The following EFNA5 variants were observed in gnomAD, a reference collection of about 807,000 sequenced individuals.
EFNA5 encodes ephrin A5.
Under a neutral mutation model 22.9 loss-of-function variants are expected in EFNA5, and 5 were observed. The ratio of observed to expected loss-of-function variants is 0.22; its 90% CI spans 0.11 to 0.46. EFNA5 has a LOEUF of 0.46. Ranked by LOEUF, EFNA5 falls within the 20% of genes least tolerant of loss-of-function variation. EFNA5 has a pLI of 0.99. For synonymous variants in EFNA5, 113 were observed against 112.2 expected, an observed-to-expected ratio of 1.01 and a Z score of -0.04; for missense variants, 237 against 293.3, an observed-to-expected ratio of 0.81 and a Z score of 1.40.
chr5:107,608,793 C>T (rs2112518818), intron 1 of EFNA5, among the ~76,000 whole-genome samples: 1 of 152,318 alleles, frequency 6.6e-6, no homozygotes, highest in South Asian at 2.1e-4. Context: ...TTAATGATGG[C>T]CCCAAGCAGG....
chr5:107,581,117 C>T (rs1438837868), intron 1 of EFNA5, among the ~76,000 whole-genome samples: 1 of 152,168 alleles, frequency 6.6e-6, no homozygotes, highest in Non-Finnish European at 1.5e-5. Flanking sequence ...AACAACATTG[C>T]CAGCCAGGCT....
chr5:107,444,736 A>C (rs553607972), intron 1 of EFNA5, among the ~76,000 whole-genome samples: 106 of 152,298 alleles, frequency 7.0e-4, no homozygotes, highest in Middle Eastern at 6.8e-3. Flanking sequence ...CCATTTGTGT[A>C]AGTCAAACTT....
intron 1 of EFNA5, among the ~76,000 whole-genome samples, chr5:107,450,105 A>G (rs1749519337): frequency 6.6e-6 from 1 of 152,256 alleles, no homozygotes; most frequent in Admixed American, 6.5e-5. Flanking sequence ...ACGACGGCAG[A>G]AAGCCGTGAA....
chr5:107,421,640 C>T (rs543657350), intron 2 of EFNA5, among the ~76,000 whole-genome samples: 5 of 152,094 alleles, frequency 3.3e-5, no homozygotes, highest in African/African-American at 1.2e-4. Context: ...CCATCTGATT[C>T]GGGGTTCCTA....
chr5:107,517,872 G>C (rs1288778074), intron 1 of EFNA5, among the ~76,000 whole-genome samples: 2 of 152,158 alleles, frequency 1.3e-5, no homozygotes, highest in African/African-American at 4.8e-5. Flanking sequence ...AAGCGTTTTT[G>C]TCTACTCAAT....
intron 2 of EFNA5, among the ~76,000 whole-genome samples, chr5:107,389,631 A>G (rs946566290): frequency 6.6e-6 from 1 of 152,218 alleles, no homozygotes; most frequent in African/African-American, 2.4e-5. Flanking sequence ...GATTTAGTAC[A>G]GGTCTTTCAG....
In EFNA5 at chr5:107,378,644, G is replaced by A. The variant is rs1747343715; in HGVS notation, c.*2611C>T. ...AGAGAAGCTTACTGTCTACTGGTGT[G>A]GACACTCTTGCTATTTTCTTTATAC... is the stretch of plus-strand genomic sequence containing the variant. On this transcript the variant is annotated 3_prime_UTR_variant, in exon 5 of 5. Transcript: ENST00000333274. 1 of 152,090 alleles carries A rather than the reference G, an allele frequency of 6.6e-6. No homozygotes were observed. Among genetic ancestry groups the A allele is most frequent in the Non-Finnish European group, 1.5e-5 (1 of 68,020 alleles). 9.4% of individuals were successfully genotyped at this position (152,090 alleles called of 1,614,324 possible). A position where few individuals can be genotyped will look rare whatever the true frequency, so the allele number is the denominator to read the frequency against.
intron 1 of EFNA5, among the ~76,000 whole-genome samples, chr5:107,630,005 G>A (rs1380344123): frequency 6.6e-6 from 1 of 151,176 alleles, no homozygotes; most frequent in African/African-American, 2.4e-5. Context: ...GCAGTGAGCC[G>A]AGATGGCACC....
chr5:107,634,141 C>T (rs1348833105), intron 1 of EFNA5, among the ~76,000 whole-genome samples: 2 of 152,164 alleles, frequency 1.3e-5, no homozygotes, highest in African/African-American at 4.8e-5. Context: ...GGTCTAACCC[C>T]CTTTTAAATG....
intron 2 of EFNA5, among the ~76,000 whole-genome samples, chr5:107,417,268 C>T (rs1287920844): frequency 6.6e-6 from 1 of 152,134 alleles, no homozygotes; most frequent in Non-Finnish European, 1.5e-5. Context: ...CAATTCCCAA[C>T]AATAATAGAC....
intron 1 of EFNA5, among the ~76,000 whole-genome samples, chr5:107,486,061 T>C (rs1420761700): frequency 6.6e-6 from 1 of 152,126 alleles, no homozygotes; most frequent in African/African-American, 2.4e-5. Context: ...AGACGAGAAA[T>C]GAGTGTCTCG....
intron 1 of EFNA5, among the ~76,000 whole-genome samples, chr5:107,663,737 C>G (rs547654396): frequency 6.6e-6 from 1 of 152,188 alleles, no homozygotes; most frequent in South Asian, 2.1e-4. Flanking sequence ...CCTAAAGCAA[C>G]TGGAAGATCA....
chr5:107,509,492 T>G (rs959541694), intron 1 of EFNA5, among the ~76,000 whole-genome samples: 5 of 147,258 alleles, frequency 3.4e-5, no homozygotes, highest in Non-Finnish European at 6.0e-5. Flanking sequence ...CTAATTTTTT[T>G]TTTTTTTTTT....
intron 1 of EFNA5, among the ~76,000 whole-genome samples, chr5:107,607,672 C>T (rs1749752030): frequency 6.6e-6 from 1 of 152,106 alleles, no homozygotes; most frequent in South Asian, 2.1e-4. Context: ...TTCTTTTTCT[C>T]CTTCACCTCT....
intron 1 of EFNA5, among the ~76,000 whole-genome samples, chr5:107,497,622 C>T (rs1747021144): frequency 6.6e-6 from 1 of 152,116 alleles, no homozygotes; most frequent in African/African-American, 2.4e-5. Context: ...ATCTTAGCAA[C>T]TTCTTCAGTT....
intron 1 of EFNA5, among the ~76,000 whole-genome samples, chr5:107,438,609 C>T (rs888659132): frequency 6.6e-6 from 1 of 152,160 alleles, no homozygotes; most frequent in Non-Finnish European, 1.5e-5. Flanking sequence ...TACCTGACAT[C>T]CAGTCTCTGT....
intron 2 of EFNA5, among the ~76,000 whole-genome samples, chr5:107,399,038 CCTT>C (rs1748009235): frequency 6.6e-6 from 1 of 152,042 alleles, no homozygotes; most frequent in Non-Finnish European, 1.5e-5. Flanking sequence ...ACTGCTGGCT[CCTT>C]CTTGTAGAAT....
chr5:107,612,163 G>C (rs947990337), intron 1 of EFNA5, among the ~76,000 whole-genome samples: 10 of 151,952 alleles, frequency 6.6e-5, no homozygotes, highest in African/African-American at 2.4e-5. Context: ...AATTATCTCA[G>C]GTTATTTTAC....
chr5:107,565,037 T>C (rs982009152), intron 1 of EFNA5, among the ~76,000 whole-genome samples: 1 of 152,176 alleles, frequency 6.6e-6, no homozygotes, highest in African/African-American at 2.4e-5. Context: ...AATAATATGA[T>C]ATCATTCCAA....
Sources: allele counts gnomAD v4.1 joint callset (sites outside exome capture counted in the v4.1 genomes callset), GRCh38; gene constraint gnomAD v4.1.1; transcripts MANE v1.5; gene names NCBI Gene and HGNC (gene_info 2026-07-23, HGNC 2026-07-21).